Variants in SGCZ observed in about 807,000 individuals in gnomAD.
SGCZ encodes zeta-sarcoglycan.
A neutral mutation model predicts 41.3 loss-of-function variants in SGCZ; 40 were observed. The observed-to-expected ratio is 0.97, with a 90% CI of 0.75 to 1.26. The LOEUF (loss-of-function observed/expected upper bound fraction) is 1.26, where lower values mean the gene tolerates loss of function less well. Among genes scored for constraint, SGCZ ranks in the 50% most tolerant of loss-of-function variants. The probability of loss-of-function intolerance (pLI) is 0.00; values close to 1 mark genes in which losing one functional copy is unlikely to be tolerated. For synonymous variants in SGCZ, 206 were observed against 137.5 expected (o/e 1.50, Z -3.49); for missense variants, 552 against 369.8 (o/e 1.49, Z -4.04).
intron 1 of SGCZ, among the ~76,000 whole-genome samples, chr8:14,695,751 C>CT (rs1808939477): frequency 6.6e-6 from 1 of 151,716 alleles, no homozygotes; most frequent in African/African-American, 2.4e-5. Context: ...GCATGCATAT[C>CT]TAAGGGCACA....
intron 1 of SGCZ, among the ~76,000 whole-genome samples, chr8:14,781,830 G>C (rs914801711): frequency 2.6e-5 from 4 of 152,052 alleles, no homozygotes; most frequent in Non-Finnish European, 4.4e-5. Flanking sequence ...CAAAATCATT[G>C]AACAAAAGGA....
intron 4 of SGCZ, among the ~76,000 whole-genome samples, chr8:14,222,782 A>C (rs1318218949): frequency 1.5e-5 from 2 of 131,788 alleles, no homozygotes; most frequent in Non-Finnish European, 3.1e-5. Context: ...ACCCTCTCTC[A>C]GTCACAGTGA....
intron 1 of SGCZ, among the ~76,000 whole-genome samples, chr8:14,972,922 C>A (rs1166671967): frequency 1.3e-5 from 2 of 152,186 alleles, no homozygotes; most frequent in Non-Finnish European, 2.9e-5. Flanking sequence ...TTACACTTAT[C>A]ATTTCCAGAG....
chr8:14,254,531 A>G (rs1331855392), intron 3 of SGCZ, among the ~76,000 whole-genome samples: 1 of 152,236 alleles, frequency 6.6e-6, no homozygotes, highest in Non-Finnish European at 1.5e-5. Context: ...GTGTTAAAAA[A>G]GATTTTAAAA....
At chr8:14,895,187 A>C (rs954304236) in intron 1 of SGCZ, among the ~76,000 whole-genome samples, 3 of 152,202 alleles carry the variant, frequency 2.0e-5, no homozygotes, top group African/African-American at 7.2e-5. Flanking sequence ...TATTAATAAC[A>C]GTTGTTGCCA....
chr8:14,877,380 T>C (rs920590334), intron 1 of SGCZ, among the ~76,000 whole-genome samples: 6 of 152,202 alleles, frequency 3.9e-5, no homozygotes, highest in African/African-American at 7.2e-5. Context: ...TATATTTATA[T>C]TTTAATGTCT....
chr8:14,207,570 G>GT (rs757396423), intron 4 of SGCZ, among the ~76,000 whole-genome samples: 194 of 150,114 alleles, frequency 1.3e-3, no homozygotes, highest in African/African-American at 1.9e-3. Flanking sequence ...TTTGTAGTGT[G>GT]TTTTTTTTCA....
chr8:14,102,482 C>A lies in SGCZ; in HGVS notation c.638G>T (p.Arg213Ile). ...SQDLRLESPT[R>I]SLIMEAPRGV... ...ACGGGGAGCTTCCATGATCAAGGAT[C>A]TGGTGGGTGATTCAAGCCTAAGGGA... Residue 213 changes from arginine (R) to isoleucine (I), a missense_variant, in exon 7 of 8, where the codon AGA becomes ATA. Coordinates refer to ENST00000382080, the MANE Select transcript of SGCZ (RefSeq NM_139167.4). The A allele has an allele frequency of 6.8e-7, 1 of 1,467,528 alleles. No individual in the cohort carries two copies. Among genetic ancestry groups the A allele is most frequent in the East Asian group, 2.5e-5 (1 of 40,184 alleles). The allele number at this position is 1,467,528 out of a possible 1,614,324, so 90.9% of individuals were successfully genotyped here.
At chr8:14,126,137 A>C (rs1347635898) in intron 5 of SGCZ, among the ~76,000 whole-genome samples, 1 of 152,260 alleles carries the variant, frequency 6.6e-6, no homozygotes, top group Non-Finnish European at 1.5e-5. Flanking sequence ...ATAGGATCTA[A>C]TTAAACTAAA....
intron 1 of SGCZ, among the ~76,000 whole-genome samples, chr8:15,111,735 A>G (rs2116929951): frequency 6.6e-6 from 1 of 152,170 alleles, no homozygotes; most frequent in South Asian, 2.1e-4. Flanking sequence ...CCCTGTCTCC[A>G]CTAAAAATAC....
intron 2 of SGCZ, among the ~76,000 whole-genome samples, chr8:14,341,397 C>A (rs910970068): frequency 1.3e-5 from 2 of 152,154 alleles, no homozygotes; most frequent in Non-Finnish European, 2.9e-5. Context: ...CAGCAATGCA[C>A]AAGACTTCCA....
At chr8:14,381,809 A>G (rs907631090) in intron 2 of SGCZ, among the ~76,000 whole-genome samples, 4 of 151,998 alleles carry the variant, frequency 2.6e-5, no homozygotes, top group Non-Finnish European at 5.9e-5. Flanking sequence ...AAAACAAAAA[A>G]CAAACAAACA....
chr8:14,266,081 C>A (rs1406341517), intron 3 of SGCZ, among the ~76,000 whole-genome samples: 5 of 152,154 alleles, frequency 3.3e-5, no homozygotes, highest in Admixed American at 6.5e-5. Flanking sequence ...ACAGAAAACT[C>A]CCCAAACCTA....
At chr8:14,989,196 T>C (rs1801926556) in intron 1 of SGCZ, among the ~76,000 whole-genome samples, 1 of 152,036 alleles carries the variant, frequency 6.6e-6, no homozygotes, top group Non-Finnish European at 1.5e-5. Flanking sequence ...GACACAAAAT[T>C]ATTAGGGAAC....
rs1200849510 is a variant in SGCZ at position 14,783,200 on chromosome 8, G to A, written c.40-228274C>T. ...TGTAATACCAACACTTTGGGAGGCC[G>A]AGGTGGGCGGATCACTTGAGGTCAG... On this transcript the variant is annotated intron_variant, in intron 1 of 7. Transcript: ENST00000382080. 5.9e-5 allele frequency among the ~76,000 whole-genome samples: 9 copies of A among 152,154 alleles called. No homozygotes were observed. In the East Asian group the frequency reaches 9.6e-4, roughly 16 times the overall value.
At position 14,178,401 on chromosome 8, in the gene SGCZ, G is replaced by A. The variant is rs77700424; in HGVS notation, c.425-13699C>T. Among the ~76,000 whole-genome samples, 984 of 152,302 alleles carry A rather than the reference G, an allele frequency of 6.5e-3. 6 individuals carry two copies. Among genetic ancestry groups the A allele is most frequent in the Middle Eastern group, 0.017 (5 of 294 alleles). ...TTACTCAAAATTTTGGTCCATAGCC[G>A]TCATTAGATTACCTATTGAGGCTAG... On this transcript the variant is annotated intron_variant, in intron 4 of 7. Transcript: ENST00000382080.
chr8:14,999,699 C>T (rs1802342527), intron 1 of SGCZ, among the ~76,000 whole-genome samples: 1 of 152,188 alleles, frequency 6.6e-6, no homozygotes, highest in Non-Finnish European at 1.5e-5. Context: ...GGAGCTTCTT[C>T]ATAGCCTAAC....
chr8:14,432,011 C>T (rs974750671), intron 2 of SGCZ, among the ~76,000 whole-genome samples: 5 of 143,308 alleles, frequency 3.5e-5, no homozygotes, highest in Non-Finnish European at 6.4e-5. Flanking sequence ...TGGCTATAAT[C>T]CAAAAATTAA....
At chr8:14,288,100 T>C (rs909610691) in intron 3 of SGCZ, among the ~76,000 whole-genome samples, 1 of 152,102 alleles carries the variant, frequency 6.6e-6, no homozygotes, top group Non-Finnish European at 1.5e-5. Flanking sequence ...TTTTGACCCA[T>C]GAATAAGAAT....
Sources: allele counts gnomAD v4.1 joint callset (sites outside exome capture counted in the v4.1 genomes callset), GRCh38; gene constraint gnomAD v4.1.1; transcripts MANE v1.5; gene names NCBI Gene and HGNC (gene_info 2026-07-23, HGNC 2026-07-21).